The following PCDHGA5 variants were observed in gnomAD, a reference collection of about 807,000 sequenced individuals.
PCDHGA5 encodes the protein protocadherin gamma-A5.
PCDHGA5 carries 36 observed loss-of-function variants against 56.7 expected under a neutral mutation model. The ratio of observed to expected loss-of-function variants is 0.64; its 90% confidence interval spans 0.49 to 0.84. The LOEUF (loss-of-function observed/expected upper bound fraction) is 0.84, where lower values mean the gene tolerates loss of function less well. Among genes scored for constraint, PCDHGA5 ranks in the 40% least tolerant of loss-of-function variants. PCDHGA5 has a pLI of 0.00. For missense variants in PCDHGA5, 1,305 were observed against 1,201.5 expected, an observed-to-expected ratio of 1.09 and a Z score of -1.27; for synonymous variants, 563 against 520.2, an observed-to-expected ratio of 1.08 and a Z score of -1.12.
rs144789830 is a variant in PCDHGA5 at position 141,503,198 on chromosome 5, C to T, written c.2481-2195C>T. Among the ~76,000 whole-genome samples the T allele has an allele frequency of 3.7e-3, 561 of 152,172 alleles. 5 individuals carry two copies. Among genetic ancestry groups the T allele is most frequent in the Admixed American group, 0.011 (164 of 15,268 alleles). ...TATTGTGTAATTATTTAAAATCAGC[C>T]TCTCAGTGCCCACCATGAGCACCGT... On this transcript the variant is annotated intron_variant, in intron 2 of 3. Coordinates refer to ENST00000518069, the MANE Select transcript of PCDHGA5 (RefSeq NM_018918.3).
chr5:141,441,861 C>T (rs3805696), intron 1 of PCDHGA5: 35,405 of 342,650 alleles, frequency 0.1, 2,215 homozygotes, highest in African/African-American at 0.17. Context: ...TGCTGCACGC[C>T]GCGGAGCCTG....
At chr5:141,383,821 G>C in intron 1 of PCDHGA5, 1 of 1,613,922 alleles carries the variant, frequency 6.2e-7, no homozygotes, top group Non-Finnish European at 8.5e-7. Flanking sequence ...AGAAGGATTA[G>C]ATTATGAAGA....
Position 141,490,055 on chromosome 5 carries a change from G to A in PCDHGA5, c.2422-4752G>A, listed in dbSNP as rs746297447. The A allele has an allele frequency of 1.9e-6, 3 of 1,614,068 alleles. No individual in the cohort carries two copies. The Admixed American group carries it at 5.0e-5, about 27-fold the overall frequency. On this transcript the variant is annotated intron_variant, in intron 1 of 3. Transcript: ENST00000518069. This position sits in a 1 kb window ranked among gnomAD's most constrained non-coding sequence, Gnocchi z 5.4. ...CTCAATGCCACTGATCCAGACGAGG[G>A]CACCAACGGCCAACTAGACTATTCT...
At chr5:141,423,533 T>C (rs2096751691) in intron 1 of PCDHGA5, 1 of 1,613,650 alleles carries the variant, frequency 6.2e-7, no homozygotes, top group Non-Finnish European at 8.5e-7. Flanking sequence ...AAGAGTCACC[T>C]GATTTTCCCC....
chr5:141,454,796 ATTTTTTTTTT>A (rs61612330), intron 1 of PCDHGA5, among the ~76,000 whole-genome samples: 11 of 77,458 alleles, frequency 1.4e-4, no homozygotes, highest in East Asian at 8.0e-4. Flanking sequence ...CATGGTTCTA[ATTTTTTTTTT>A]TTTTTTTTTT....
chr5:141,392,794 G>A (rs1002894691), intron 1 of PCDHGA5: 2 of 1,563,344 alleles, frequency 1.3e-6, no homozygotes, highest in African/African-American at 1.4e-5. Flanking sequence ...ATTCTGAGAG[G>A]ATTCTGCAGC....
intron 1 of PCDHGA5, chr5:141,422,771 T>C (rs2096671394): frequency 6.2e-7 from 1 of 1,613,954 alleles, no homozygotes; most frequent in Non-Finnish European, 8.5e-7. Flanking sequence ...ACTGGTGTTC[T>C]CTATGCCCTA....
intron 1 of PCDHGA5, chr5:141,377,057 C>A (rs72790015): frequency 0.063 from 9,654 of 152,822 alleles, 351 homozygotes; most frequent in African/African-American, 0.097. Context: ...TTTTCTTAGC[C>A]CTTTGCAGAG....
At chr5:141,430,301 C>G (rs985986465) in intron 1 of PCDHGA5, among the ~76,000 whole-genome samples, 2 of 150,982 alleles carry the variant, frequency 1.3e-5, no homozygotes, top group Non-Finnish European at 2.9e-5. Context: ...AGCAGATGCA[C>G]TAACATTATA....
At chr5:141,378,325 C>G (rs1344220335) in intron 1 of PCDHGA5, 1 of 152,200 alleles carries the variant, frequency 6.6e-6, no homozygotes, top group Non-Finnish European at 1.5e-5. Context: ...GAGTTCGAGA[C>G]CAGCCTGACC....
chr5:141,412,918 G>A (rs893690519), intron 1 of PCDHGA5: 17 of 414,102 alleles, frequency 4.1e-5, no homozygotes, highest in Non-Finnish European at 5.5e-5. Context: ...TATCACTTGG[G>A]TGCAGTAACT....
chr5:141,389,471 A>T (rs1425309295), intron 1 of PCDHGA5: 1 of 1,613,092 alleles, frequency 6.2e-7, no homozygotes, highest in Non-Finnish European at 8.5e-7. Flanking sequence ...TCGAACTCAC[A>T]CTGCAGGCCC....
chr5:141,403,202 T>A, intron 1 of PCDHGA5: 4 of 1,613,984 alleles, frequency 2.5e-6, no homozygotes, highest in Non-Finnish European at 3.4e-6. Context: ...CAGCGGCACC[T>A]TGGTCACCGC....
chr5:141,507,559 G>T (rs542787142), intron 3 of PCDHGA5, among the ~76,000 whole-genome samples: 1 of 152,368 alleles, frequency 6.6e-6, no homozygotes, highest in African/African-American at 2.4e-5. Flanking sequence ...GTGGCAGGCG[G>T]CTGGGTCTGA....
chr5:141,388,521 A>T (rs978300482), intron 1 of PCDHGA5: 2 of 1,613,722 alleles, frequency 1.2e-6, no homozygotes, highest in African/African-American at 2.7e-5. Context: ...CTTGACTTTG[A>T]CTGCCTTGGA....
Position 141,486,812 on chromosome 5 carries a change from A to G in PCDHGA5, c.2422-7995A>G, listed in dbSNP as rs781747283. 6.2e-7 allele frequency: 1 copy of G among 1,614,226 alleles called. No individual in the cohort carries two copies. The highest frequency in any genetic ancestry group is 8.5e-7 in the Non-Finnish European group (1 of 1,180,046). ...GGATCGGGGCAACCCACCCCTTAGC[A>G]GCACTGTAACAGTTCGTCTATTTGT... On this transcript the variant is annotated intron_variant, in intron 1 of 3. Transcript: ENST00000518069. This position sits in a 1 kb window ranked among gnomAD's most constrained non-coding sequence, Gnocchi z 5.0.
intron 1 of PCDHGA5, chr5:141,413,223 G>C (rs1454395834): frequency 6.2e-7 from 1 of 1,613,694 alleles, no homozygotes; most frequent in African/African-American, 1.3e-5. Flanking sequence ...ATTGCAGCGG[G>C]CTGGTCCTGC....
chr5:141,420,337 A>G, intron 1 of PCDHGA5: 8 of 1,402,708 alleles, frequency 5.7e-6, no homozygotes, highest in Non-Finnish European at 7.6e-6. Flanking sequence ...ATTCCAATAT[A>G]GTGGTATTAT....
intron 3 of PCDHGA5, among the ~76,000 whole-genome samples, chr5:141,507,713 C>T (rs2099862763): frequency 6.6e-6 from 1 of 152,234 alleles, no homozygotes; most frequent in Non-Finnish European, 1.5e-5. Flanking sequence ...GGCCCCAAAC[C>T]CTCCAAGCAA....
Sources: gnomAD v4.1 joint callset for allele counts (sites outside exome capture counted in the v4.1 genomes callset) on GRCh38, gnomAD v4.1.1 for gene constraint, Gnocchi (gnomAD v3.1) non-coding constraint, MANE v1.5 for transcripts, NCBI Gene and HGNC (gene_info 2026-07-23, HGNC 2026-07-21) for gene names.